The following RYK variants were observed in gnomAD, a reference collection of about 807,000 sequenced individuals.
RYK encodes the protein inactive tyrosine-protein kinase RYK.
Under a neutral mutation model 70.2 loss-of-function variants are expected in RYK, and 21 were observed. That is an observed-to-expected ratio of 0.30 (90% CI 0.21 to 0.43). The LOEUF (loss-of-function observed/expected upper bound fraction) is 0.43, where lower values mean the gene tolerates loss of function less well. Ranked by LOEUF, RYK falls within the 20% of genes least tolerant of loss-of-function variation. RYK has a pLI of 1.00. For missense variants in RYK, 604 were observed against 753.3 expected (o/e 0.80, Z 2.32); for synonymous variants, 267 against 278.0 (o/e 0.96, Z 0.39).
intron 1 of RYK, among the ~76,000 whole-genome samples, chr3:134,228,371 G>C (rs2014965719): frequency 6.6e-6 from 1 of 152,164 alleles, no homozygotes; most frequent in Non-Finnish European, 1.5e-5. Flanking sequence ...AAATTAGTAT[G>C]TCGAAGAGGT....
Position 134,250,457 on chromosome 3 carries a change from G to A in RYK, c.198C>T (p.Leu66=). ...QSASAGPSVS[L]YLSEDEVRRL... is the part of the protein sequence containing the mutation. ...GGCGCACCTCGTCCTCGCTCAGGTA[G>A]AGACTCACGCTGGGCCCCGCGGAAG... The change falls in exon 1 of 15, where the codon CTC becomes CTT. Residue 66 remains leucine, a synonymous_variant. Coordinates refer to ENST00000623711, the MANE Select transcript of RYK (RefSeq NM_002958.4). 1 of 1,403,114 alleles carries A rather than the reference G, an allele frequency of 7.1e-7. No individual in the cohort carries two copies. The highest frequency in any genetic ancestry group is 1.5e-5 in the African/African-American group (1 of 67,336). 86.9% of individuals were successfully genotyped at this position (1,403,114 alleles called of 1,614,324 possible).
intron 1 of RYK, among the ~76,000 whole-genome samples, chr3:134,243,831 T>C (rs1328739764): frequency 6.6e-6 from 1 of 152,310 alleles, no homozygotes; most frequent in African/African-American, 2.4e-5. Context: ...CAATAACTTA[T>C]GTCAACCAGC....
intron 6 of RYK, among the ~76,000 whole-genome samples, chr3:134,201,863 A>T (rs1386367771): frequency 1.3e-5 from 2 of 152,230 alleles, no homozygotes; most frequent in Non-Finnish European, 2.9e-5. Context: ...TCAGGCAGCA[A>T]CTGGAAATCA....
At chr3:134,182,526 C>CT (rs1208494690) in intron 10 of RYK, among the ~76,000 whole-genome samples, 1 of 151,946 alleles carries the variant, frequency 6.6e-6, no homozygotes, top group Non-Finnish European at 1.5e-5. Context: ...AGAGATATGT[C>CT]TCTAGATACA....
chr3:134,229,379 GGAAA>G (rs1280052229), intron 1 of RYK, among the ~76,000 whole-genome samples: 1 of 61,444 alleles, frequency 1.6e-5, no homozygotes, highest in Non-Finnish European at 3.2e-5. Flanking sequence ...CCTTTGGGCT[GGAAA>G]AAAAAAAAAA....
rs773940787 is a variant in RYK at position 134,176,022 on chromosome 3, G to A, written c.1323C>T (p.Asp441=). ...CAATCTGAATAGCCATGTGTACCAG[G>A]TCTTGCTGAGAAATTGCCTGTGGTA... ...ANNPQAISQQ[D]LVHMAIQIAC... is the part of the protein sequence containing the mutation. Residue 441 remains aspartate, a synonymous_variant, in exon 12 of 15, where the codon GAC becomes GAT. Transcript: ENST00000623711. 1.3e-6 allele frequency: 2 copies of A among 1,598,702 alleles called. No homozygotes were observed. The highest frequency in any genetic ancestry group is 8.5e-7 in the Non-Finnish European group (1 of 1,171,696).
At chr3:134,239,222 G>A (rs916841357) in intron 1 of RYK, among the ~76,000 whole-genome samples, 5 of 152,162 alleles carry the variant, frequency 3.3e-5, no homozygotes, top group African/African-American at 7.2e-5. Flanking sequence ...CACTTTGGGA[G>A]GCCAAGGTGG....
At position 134,195,070 on chromosome 3, in the gene RYK, A is replaced by G; in HGVS notation, c.889+12T>C. The G allele has an allele frequency of 6.3e-7, 1 of 1,581,550 alleles. No homozygotes were observed. The highest frequency in any genetic ancestry group is 8.7e-7 in the Non-Finnish European group (1 of 1,150,460). ...TTGAGTAAACTGGCTTTAGAATTAA[A>G]TTAACTCTTACTGGTGATAGGAGTT... On this transcript the variant is annotated intron_variant, in intron 7 of 14. Transcript: ENST00000623711.
At chr3:134,196,052 C>CT (rs1170188862) in intron 6 of RYK, among the ~76,000 whole-genome samples, 2 of 152,244 alleles carry the variant, frequency 1.3e-5, no homozygotes, top group South Asian at 2.1e-4. Context: ...TGGGAAATCT[C>CT]TAGTACTTGA....
At chr3:134,239,748 C>T (rs933777940) in intron 1 of RYK, among the ~76,000 whole-genome samples, 2 of 152,188 alleles carry the variant, frequency 1.3e-5, no homozygotes, top group Non-Finnish European at 2.9e-5. Flanking sequence ...TAAAAAGTGT[C>T]TATTCAAACA....
intron 6 of RYK, among the ~76,000 whole-genome samples, chr3:134,200,238 G>A (rs900518187): frequency 6.6e-6 from 1 of 152,122 alleles, no homozygotes; most frequent in Non-Finnish European, 1.5e-5. Context: ...CTACCTTTAT[G>A]AGCTGTAACA....
intron 1 of RYK, among the ~76,000 whole-genome samples, chr3:134,230,129 C>G (rs1215456942): frequency 6.6e-6 from 1 of 152,190 alleles, no homozygotes; most frequent in Admixed American, 6.5e-5. Context: ...GAGACAGAGT[C>G]TCACTATGTT....
At chr3:134,169,423 G>T (rs1329220825) in intron 13 of RYK, among the ~76,000 whole-genome samples, 1 of 152,078 alleles carries the variant, frequency 6.6e-6, no homozygotes, top group Non-Finnish European at 1.5e-5. Context: ...AAAAATTTAT[G>T]GTGGTATCCA....
chr3:134,201,582 A>G (rs551118476), intron 6 of RYK, among the ~76,000 whole-genome samples: 21 of 152,336 alleles, frequency 1.4e-4, no homozygotes, highest in African/African-American at 5.1e-4. Context: ...CTTAGAAAAG[A>G]CTTCATGAAA....
intron 13 of RYK, among the ~76,000 whole-genome samples, chr3:134,162,036 T>C (rs60545528): frequency 0.086 from 13,100 of 152,190 alleles, 1,160 homozygotes; most frequent in South Asian, 0.32. Flanking sequence ...CCCTGGTGTG[T>C]CTTGGTTTGC....
At chr3:134,200,395 G>A (rs994267877) in intron 6 of RYK, among the ~76,000 whole-genome samples, 1 of 152,078 alleles carries the variant, frequency 6.6e-6, no homozygotes, top group South Asian at 2.1e-4. Flanking sequence ...GTGAGACCAT[G>A]AACCCACCAG....
intron 2 of RYK, among the ~76,000 whole-genome samples, chr3:134,220,878 T>C (rs1356365023): frequency 6.6e-6 from 1 of 152,218 alleles, no homozygotes; most frequent in African/African-American, 2.4e-5. Flanking sequence ...AACTGTGTAA[T>C]GGTGAAGGGA....
rs147583275 is a variant in RYK, at chr3:134,232,701, C to T, written c.233-10162G>A. 7.3e-3 allele frequency among the ~76,000 whole-genome samples: 1,117 copies of T among 152,236 alleles called. 9 individuals carry two copies. Among genetic ancestry groups the T allele is most frequent in the Middle Eastern group, 0.031 (9 of 294 alleles). ...CAGTTTGAAAAGGCTTGAAAGAAACCAATAAAATTCTGTTCAAATTTTCAC... is the reference window on the plus strand; with the variant it reads ...CAGTTTGAAAAGGCTTGAAAGAAACTAATAAAATTCTGTTCAAATTTTCAC... On this transcript the variant is annotated intron_variant, in intron 1 of 14. Coordinates refer to ENST00000623711, the MANE Select transcript of RYK (RefSeq NM_002958.4).
chr3:134,167,861 T>C (rs55688777), intron 13 of RYK, among the ~76,000 whole-genome samples: 41,308 of 152,076 alleles, frequency 0.27, 6,141 homozygotes, highest in Non-Finnish European at 0.33. Flanking sequence ...GAGAAAATTT[T>C]TGTAATCTAC....
Sources: allele counts gnomAD v4.1 joint callset (sites outside exome capture counted in the v4.1 genomes callset), GRCh38; gene constraint gnomAD v4.1.1; transcripts MANE v1.5; gene names NCBI Gene and HGNC (gene_info 2026-07-23, HGNC 2026-07-21).